Variants in ZNF518A observed in about 807,000 individuals in gnomAD.
ZNF518A encodes the protein zinc finger protein 518A, also known as zinc finger protein 518.
Under a neutral mutation model 102.7 loss-of-function variants are expected in ZNF518A, and 47 were observed. The observed-to-expected ratio is 0.46, with a 90% CI of 0.36 to 0.58. The LOEUF is 0.58. Among genes scored for constraint, ZNF518A ranks in the 20% least tolerant of loss-of-function variants. The pLI is 0.00. For synonymous variants in ZNF518A, 652 were observed against 594.6 expected, an observed-to-expected ratio of 1.10 and a Z score of -1.40; for missense variants, 1,793 against 1,699.8, an observed-to-expected ratio of 1.05 and a Z score of -0.96.
At chr10:96,201,163 C>CA (rs1458486825) in intron 1 of ZNF518A, 96 of 1,007,912 alleles carry the variant, frequency 9.5e-5, no homozygotes, top group Non-Finnish European at 1.2e-4. Context: ...ACACATCCAC[C>CA]AAAAAAAATC....
At position 96,160,987 on chromosome 10, in the gene ZNF518A, A is replaced by G; in HGVS notation, c.*213A>G. On this transcript the variant is annotated 3_prime_UTR_variant, in exon 6 of 6. Transcript: ENST00000316045. ...TCAAAAGTTTTGAAAGAAACTAATC[A>G]CAGCACAGAAGTACCTTGATTTAAT... 1 of 476,978 alleles carries G rather than the reference A, an allele frequency of 2.1e-6. No homozygotes were observed. The highest frequency in any genetic ancestry group is 3.6e-6 in the Non-Finnish European group (1 of 277,804). 29.5% of individuals were successfully genotyped at this position (476,978 alleles called of 1,614,324 possible). A position where few individuals can be genotyped will look rare whatever the true frequency, so the allele number is the denominator to read the frequency against.
intron 3 of ZNF518A, among the ~76,000 whole-genome samples, chr10:96,146,668 A>G (rs1293856862): frequency 6.6e-6 from 1 of 152,248 alleles, no homozygotes; most frequent in East Asian, 1.9e-4. Context: ...AAGATAAAAC[A>G]AATATCTGCA....
chr10:96,130,967 A>G (rs587773425), intron 1 of ZNF518A: 8 of 152,380 alleles, frequency 5.3e-5, no homozygotes, highest in African/African-American at 1.7e-4. Flanking sequence ...TGGACCGATC[A>G]AACAGATGTA....
intron 1 of ZNF518A, among the ~76,000 whole-genome samples, chr10:96,169,322 A>G (rs1485422889): frequency 1.3e-5 from 2 of 152,164 alleles, no homozygotes; most frequent in African/African-American, 4.8e-5. Context: ...GATATTCTTC[A>G]TGGTATCATA....
rs782705050 is a variant in ZNF518A, at chr10:96,158,166, T to C, written c.1844T>C (p.Met615Thr). Residue 615 changes from methionine (M) to threonine (T), a missense_variant, in exon 6 of 6, where the codon ATG becomes ACG. Met to Thr is a moderately conservative substitution (Grantham distance 81). Coordinates refer to ENST00000316045, the MANE Select transcript of ZNF518A (RefSeq NM_001330736.2). ...CCAAATGCATACAACAGTGGAGATA[T>C]GCATAATTATTGCATTAATTATGGC... ...AKPNAYNSGD[M>T]HNYCINYGNC... is the part of the protein sequence containing the mutation. 4.9e-5 allele frequency: 79 copies of C among 1,613,552 alleles called. No individual in the cohort carries two copies. Among genetic ancestry groups the C allele is most frequent in the Admixed American group, 1.7e-4 (10 of 59,904 alleles).
chr10:96,199,443 A>G (rs587752886), intron 1 of ZNF518A: 64 of 453,462 alleles, frequency 1.4e-4, no homozygotes, highest in South Asian at 9.9e-4. Flanking sequence ...TTCACTCCTC[A>G]GTGGAGCTCA....
chr10:96,204,252 A>G, downstream of ZNF518A: 1 of 816,380 alleles, frequency 1.2e-6, no homozygotes, highest in Non-Finnish European at 2.0e-6. Flanking sequence ...AACCTTAAAG[A>G]TAAGTAAGAC....
At chr10:96,191,644 C>T (rs1275572373) in intron 1 of ZNF518A, 1 of 216,590 alleles carries the variant, frequency 4.6e-6, no homozygotes, top group Non-Finnish European at 9.2e-6. Context: ...AAATTTCCAG[C>T]CACTTTGTTT....
chr10:96,178,146 A>G (rs587635784), intron 1 of ZNF518A, among the ~76,000 whole-genome samples: 1 of 152,268 alleles, frequency 6.6e-6, no homozygotes, highest in African/African-American at 2.4e-5. Context: ...ATTTTACAGA[A>G]CATTCCATCT....
At chr10:96,153,514 C>A (rs1047420649) in intron 3 of ZNF518A, among the ~76,000 whole-genome samples, 16 of 152,160 alleles carry the variant, frequency 1.1e-4, no homozygotes, top group Admixed American at 7.2e-4. Flanking sequence ...AATAACAAAC[C>A]CCAAACTACC....
At chr10:96,182,057 C>G (rs973123647) in intron 1 of ZNF518A, among the ~76,000 whole-genome samples, 9 of 152,096 alleles carry the variant, frequency 5.9e-5, no homozygotes, top group Non-Finnish European at 1.3e-4. Context: ...CTTCACATCC[C>G]TTGTAAGTTG....
rs782735868 is a variant in ZNF518A, at chr10:96,159,834, A to G, written c.3512A>G (p.Lys1171Arg). The change falls in exon 6 of 6, where the codon AAA becomes AGA. Residue 1171 changes from lysine (K) to arginine (R), a missense_variant. Transcript: ENST00000316045. Reference sequence around the variant, plus strand: ...AGCAACTCTGCATCCTCATTGCAAAAAGACAACGTACCATCTAATCAGATT... The same window carrying G: ...AGCAACTCTGCATCCTCATTGCAAAGAGACAACGTACCATCTAATCAGATT... ...SVSNSASSLQ[K>R]DNVPSNQIIG... 39 of 1,613,640 alleles carry G rather than the reference A, an allele frequency of 2.4e-5. No individual in the cohort carries two copies. The highest frequency in any genetic ancestry group is 2.7e-5 in the Non-Finnish European group (32 of 1,179,774).
At chr10:96,175,503 G>A (rs980665730) in intron 1 of ZNF518A, among the ~76,000 whole-genome samples, 1 of 152,166 alleles carries the variant, frequency 6.6e-6, no homozygotes, top group South Asian at 2.1e-4. Flanking sequence ...AGTTTATTGG[G>A]CAGTAATGCT....
chr10:96,136,285 ATC>A (rs1244216081), intron 3 of ZNF518A, among the ~76,000 whole-genome samples: 4 of 151,762 alleles, frequency 2.6e-5, no homozygotes, highest in Non-Finnish European at 5.9e-5. Flanking sequence ...TGTTTTATTC[ATC>A]TGTCTTGAAG....
At position 96,160,440 on chromosome 10, in the gene ZNF518A, A is replaced by C. The variant is rs1554887250; in HGVS notation, c.4118A>C (p.His1373Pro). 1 of 1,613,420 alleles carries C rather than the reference A, an allele frequency of 6.2e-7. No individual in the cohort carries two copies. The highest frequency in any genetic ancestry group is 1.1e-5 in the South Asian group (1 of 91,034). Residue 1373 changes from histidine to proline, a missense_variant, in exon 6 of 6, where the codon CAT (histidine) becomes CCT (proline). By Grantham distance (77) the His-to-Pro change is moderately conservative. Around this residue, in one of 3 missense-constraint regions of ZNF518A, gnomAD observed 1,741 missense variants for 1,622.6 expected, o/e 1.07. Coordinates refer to ENST00000316045, the MANE Select transcript of ZNF518A (RefSeq NM_001330736.2). ...AAAACTATTGCTAAATTTAATGGACATGTACTTAAGGTTTCATTGTCAAAA... is the reference window on the plus strand; with the variant it reads ...AAAACTATTGCTAAATTTAATGGACCTGTACTTAAGGTTTCATTGTCAAAA... ...VMKTIAKFNG[H>P]VLKVSLSKRT...
At chr10:96,134,431 G>A (rs1338046834) in intron 3 of ZNF518A, among the ~76,000 whole-genome samples, 6 of 152,002 alleles carry the variant, frequency 3.9e-5, no homozygotes, top group Non-Finnish European at 8.8e-5. Flanking sequence ...ACGAGGCTTC[G>A]CCATGTTGGC....
At chr10:96,187,958 G>A (rs1201168189) in intron 1 of ZNF518A, among the ~76,000 whole-genome samples, 1 of 152,214 alleles carries the variant, frequency 6.6e-6, no homozygotes, top group Non-Finnish European at 1.5e-5. Flanking sequence ...TGATTCTCAT[G>A]CCTCAGCCTC....
chr10:96,173,715 T>A (rs180969902), intron 1 of ZNF518A, among the ~76,000 whole-genome samples: 12 of 152,076 alleles, frequency 7.9e-5, no homozygotes, highest in Admixed American at 7.2e-4. Flanking sequence ...CATAAATGAA[T>A]AAAATAACAA....
intron 3 of ZNF518A, among the ~76,000 whole-genome samples, chr10:96,144,992 C>A (rs1208624046): frequency 1.3e-5 from 2 of 152,094 alleles, no homozygotes; most frequent in African/African-American, 4.8e-5. Context: ...TTTAGTATTT[C>A]TTTTAACAGT....
Sources: allele counts gnomAD v4.1 joint callset (sites outside exome capture counted in the v4.1 genomes callset), GRCh38; gene constraint gnomAD v4.1.1; regional missense constraint gnomAD v4.1.1; transcripts MANE v1.5; gene names NCBI Gene and HGNC (gene_info 2026-07-23, HGNC 2026-07-21).